The following SYT1 variants were observed in gnomAD, a reference collection of about 807,000 sequenced individuals.
SYT1 encodes the protein synaptotagmin 1.
A neutral mutation model predicts 44.8 loss-of-function variants in SYT1; 8 were observed. That is an observed-to-expected ratio of 0.18 (90% CI 0.10 to 0.32). The LOEUF is 0.32. Ranked by LOEUF, SYT1 falls within the 10% of genes least tolerant of loss-of-function variation. The pLI is 1.00. For synonymous variants in SYT1, 154 were observed against 188.8 expected (o/e 0.82, Z 1.51); for missense variants, 286 against 509.3 (o/e 0.56, Z 4.22).
intron 3 of SYT1, among the ~76,000 whole-genome samples, chr12:79,135,870 T>C (rs10506812): frequency 0.12 from 17,552 of 152,236 alleles, 1,479 homozygotes; most frequent in African/African-American, 0.24. Context: ...TGAACAAATA[T>C]GATCCTTGCA....
intron 4 of SYT1, among the ~76,000 whole-genome samples, chr12:79,254,567 C>A (rs1469415204): frequency 6.6e-6 from 1 of 152,140 alleles, no homozygotes; most frequent in African/African-American, 2.4e-5. Flanking sequence ...AACTTTCAAG[C>A]CTTATTATTT....
chr12:79,041,060 T>C (rs1451955829), intron 2 of SYT1, among the ~76,000 whole-genome samples: 2 of 152,212 alleles, frequency 1.3e-5, no homozygotes, highest in Non-Finnish European at 2.9e-5. Context: ...GGTAGTGTGA[T>C]GCCTCCAGCT....
At chr12:79,135,001 A>G (rs2138192054) in intron 3 of SYT1, among the ~76,000 whole-genome samples, 1 of 152,236 alleles carries the variant, frequency 6.6e-6, no homozygotes, top group Admixed American at 6.5e-5. Context: ...ACACACACAC[A>G]CACACACAAA....
At chr12:78,973,690 A>C (rs1412308326) in intron 1 of SYT1, among the ~76,000 whole-genome samples, 1 of 151,946 alleles carries the variant, frequency 6.6e-6, no homozygotes, top group Non-Finnish European at 1.5e-5. Flanking sequence ...CTTGCATAAA[A>C]GTAACTTTAC....
chr12:79,209,863 A>G (rs986892886), intron 3 of SYT1, among the ~76,000 whole-genome samples: 1 of 152,262 alleles, frequency 6.6e-6, no homozygotes, highest in Non-Finnish European at 1.5e-5. Flanking sequence ...ACCTTCCATA[A>G]TATCTCCCAG....
At chr12:78,887,362 A>G (rs998527395) in intron 1 of SYT1, among the ~76,000 whole-genome samples, 3 of 152,088 alleles carry the variant, frequency 2.0e-5, no homozygotes, top group African/African-American at 7.2e-5. Context: ...CCAAATGCAC[A>G]TGAGTGTGGA....
chr12:78,925,007 T>G (rs1244268346), intron 1 of SYT1, among the ~76,000 whole-genome samples: 1 of 151,906 alleles, frequency 6.6e-6, no homozygotes, highest in Non-Finnish European at 1.5e-5. Context: ...AATGTATAAT[T>G]ATCTATATGA....
chr12:79,014,122 C>CAAAAAAAAAAA (rs1358787041), intron 2 of SYT1, among the ~76,000 whole-genome samples: 50 of 38,914 alleles, frequency 1.3e-3, no homozygotes, highest in Middle Eastern at 0.028. Flanking sequence ...AGACTCTCTC[C>CAAAAAAAAAAA]AAAAAAAAAA....
At chr12:79,342,403 T>C (rs188817429) in intron 8 of SYT1, among the ~76,000 whole-genome samples, 2,355 of 149,084 alleles carry the variant, frequency 0.016, 30 homozygotes, top group Non-Finnish European at 0.024. Context: ...GGCTATTTTT[T>C]TGTTTTTTGT....
At chr12:79,108,204 T>G (rs1878821790) in intron 3 of SYT1, among the ~76,000 whole-genome samples, 1 of 152,008 alleles carries the variant, frequency 6.6e-6, no homozygotes, top group Non-Finnish European at 1.5e-5. Flanking sequence ...GGTGAGGCTA[T>G]TTCTTTTTTT....
Position 79,049,524 on chromosome 12 carries a change from T to G in SYT1, c.-18+2162T>G, listed in dbSNP as rs949103601. Reference sequence around the variant, plus strand: ...TATAATTTATCCTTTAAAAATTTTATCAGATATTGTGAAGAGGAATACTCT... The same window carrying G: ...TATAATTTATCCTTTAAAAATTTTAGCAGATATTGTGAAGAGGAATACTCT... On this transcript the variant is annotated intron_variant, in intron 3 of 10. Transcript: ENST00000261205. Among the ~76,000 whole-genome samples the G allele has an allele frequency of 3.9e-5, 6 of 152,152 alleles. No individual in the cohort carries two copies. In the South Asian group the frequency reaches 1.2e-3, roughly 32 times the overall value.
chr12:79,315,147 A>G (rs1212261742), intron 8 of SYT1, among the ~76,000 whole-genome samples: 2 of 152,130 alleles, frequency 1.3e-5, no homozygotes, highest in African/African-American at 4.8e-5. Context: ...ATGTGAATAA[A>G]TACCATTTTT....
intron 2 of SYT1, among the ~76,000 whole-genome samples, chr12:78,996,535 G>T (rs755223688): frequency 1.3e-5 from 2 of 152,132 alleles, no homozygotes; most frequent in African/African-American, 2.4e-5. Context: ...TATTTTAGAC[G>T]CTAATAGTCA....
intron 8 of SYT1, among the ~76,000 whole-genome samples, chr12:79,323,059 C>A (rs1257871795): frequency 6.6e-6 from 1 of 151,874 alleles, no homozygotes. Flanking sequence ...AAAAGCAAAG[C>A]CATGGGGGAA....
intron 1 of SYT1, among the ~76,000 whole-genome samples, chr12:78,886,053 G>T (rs1040491125): frequency 6.6e-6 from 1 of 151,758 alleles, no homozygotes; most frequent in Admixed American, 6.6e-5. Flanking sequence ...ACTTGGTAGG[G>T]CTTATCATAA....
chr12:79,311,011 T>G (rs1240484632), intron 8 of SYT1, among the ~76,000 whole-genome samples: 1 of 152,256 alleles, frequency 6.6e-6, no homozygotes, highest in Non-Finnish European at 1.5e-5. Flanking sequence ...CTTTATTTCC[T>G]TCTCCTGCCT....
intron 3 of SYT1, among the ~76,000 whole-genome samples, chr12:79,162,946 C>CACAG (rs1871038179): frequency 6.6e-6 from 1 of 152,052 alleles, no homozygotes. Flanking sequence ...ATGTACTGTG[C>CACAG]ACAGATACAA....
chr12:79,225,444 C>T (rs922355293), intron 4 of SYT1, among the ~76,000 whole-genome samples: 1 of 152,118 alleles, frequency 6.6e-6, no homozygotes, highest in Admixed American at 6.5e-5. Context: ...GAATGGGAAA[C>T]ACAAAATCTC....
At chr12:78,929,483 G>T (rs191579957) in intron 1 of SYT1, among the ~76,000 whole-genome samples, 1 of 110,250 alleles carries the variant, frequency 9.1e-6, no homozygotes, top group African/African-American at 3.5e-5. Context: ...AAGGTAGGAA[G>T]AATCTTTACT....
Sources: gnomAD v4.1 joint callset for allele counts (sites outside exome capture counted in the v4.1 genomes callset) on GRCh38, gnomAD v4.1.1 for gene constraint, MANE v1.5 for transcripts, NCBI Gene and HGNC (gene_info 2026-07-23, HGNC 2026-07-21) for gene names.